The following MTREX variants were observed in gnomAD, a reference collection of about 807,000 sequenced individuals.
The protein encoded by MTREX is Mtr4 exosome RNA helicase, also known as exosome RNA helicase MTR4.
Under a neutral mutation model 135.4 loss-of-function variants are expected in MTREX, and 76 were observed. The observed-to-expected ratio is 0.56, with a 90% CI of 0.47 to 0.68. MTREX has a LOEUF of 0.68. MTREX is among the 30% of genes least tolerant of loss of function. The probability of loss-of-function intolerance (pLI) is 0.00; values close to 1 mark genes in which losing one functional copy is unlikely to be tolerated. For synonymous variants in MTREX, 404 were observed against 401.6 expected (o/e 1.01, Z -0.07); for missense variants, 920 against 1,262.1 (o/e 0.73, Z 4.11).
chr5:55,412,241 G>A (rs1750894621), intron 23 of MTREX, among the ~76,000 whole-genome samples: 1 of 152,124 alleles, frequency 6.6e-6, no homozygotes, highest in Admixed American at 6.5e-5. Flanking sequence ...TTGTCTTCTA[G>A]TAAATATAGT....
Position 55,308,010 on chromosome 5 carries a change from A to C in MTREX, c.-4A>C, listed in dbSNP as rs758090470. The C allele has an allele frequency of 6.2e-7, 1 of 1,613,950 alleles. No homozygotes were observed. The highest frequency in any genetic ancestry group is 1.1e-5 in the South Asian group (1 of 91,060). ...AGGGAGATTTGCTCTCACTGCTCCC[A>C]AAAATGGCGGACGCATTCGGAGATG... is the stretch of plus-strand genomic sequence containing the variant. On this transcript the variant is annotated 5_prime_UTR_variant, in exon 1 of 27. Transcript: ENST00000230640.
intron 1 of MTREX, among the ~76,000 whole-genome samples, chr5:55,315,267 T>C (rs1321735430): frequency 6.6e-6 from 1 of 152,212 alleles, no homozygotes; most frequent in South Asian, 2.1e-4. Flanking sequence ...CTTTATAGAC[T>C]AGGGATATTA....
chr5:55,324,989 GTTTC>G (rs1472340236), intron 3 of MTREX, among the ~76,000 whole-genome samples: 3 of 152,106 alleles, frequency 2.0e-5, no homozygotes, highest in Non-Finnish European at 1.5e-5. Context: ...ATAAATTGCA[GTTTC>G]TTTGTTCTGC....
Position 55,407,398 on chromosome 5 carries a change from G to A in MTREX, c.2645+1810G>A, listed in dbSNP as rs981943885. ...ACTGATTTATATGCTAATGTTATTG[G>A]GATTATTTCCTTCTAATAATTACCT... is the stretch of plus-strand genomic sequence containing the variant. On this transcript the variant is annotated intron_variant, in intron 22 of 26. Coordinates refer to ENST00000230640, the MANE Select transcript of MTREX (RefSeq NM_015360.5). Among the ~76,000 whole-genome samples, 64 of 151,828 alleles carry A rather than the reference G, an allele frequency of 4.2e-4. 1 individual carries two copies. Among genetic ancestry groups the A allele is most frequent in the Non-Finnish European group, 7.4e-5 (5 of 67,952 alleles).
At chr5:55,349,885 A>G (rs750096249) in intron 12 of MTREX, among the ~76,000 whole-genome samples, 65 of 152,218 alleles carry the variant, frequency 4.3e-4, no homozygotes, top group Non-Finnish European at 7.8e-4. Flanking sequence ...TGTGAAAATT[A>G]CTGCTAGTGT....
intron 23 of MTREX, among the ~76,000 whole-genome samples, chr5:55,413,258 A>T (rs1750911690): frequency 6.7e-6 from 1 of 149,590 alleles, no homozygotes; most frequent in Non-Finnish European, 1.5e-5. Context: ...AATCGCTTGA[A>T]CCCGGGAGGT....
At chr5:55,345,408 C>G (rs1464087435) in intron 10 of MTREX, among the ~76,000 whole-genome samples, 1 of 152,004 alleles carries the variant, frequency 6.6e-6, no homozygotes, top group Non-Finnish European at 1.5e-5. Flanking sequence ...ATTCAGTAGT[C>G]TTTAGTATAT....
chr5:55,320,789 G>A (rs1749275876), intron 1 of MTREX, among the ~76,000 whole-genome samples: 1 of 152,302 alleles, frequency 6.6e-6, no homozygotes, highest in East Asian at 1.9e-4. Flanking sequence ...AAATGGAATA[G>A]CAGTTCTGAG....
Position 55,378,697 on chromosome 5 carries a change from A to G in MTREX, c.1983+211A>G, listed in dbSNP as rs75817120. ...ATCACCACTGGTTTTTGTTTTGGGG[A>G]CTATAAATTGAAGTAGATAGTTTTG... On this transcript the variant is annotated intron_variant, in intron 17 of 26. Transcript: ENST00000230640. Among the ~76,000 whole-genome samples the G allele has an allele frequency of 8.8e-3, 1,337 of 152,148 alleles. 13 individuals are homozygous for G. The highest frequency in any genetic ancestry group is 0.031 in the African/African-American group (1,287 of 41,486).
Position 55,378,294 on chromosome 5 carries a change from T to G in MTREX, c.1811-20T>G. The G allele has an allele frequency of 6.4e-7, 1 of 1,560,772 alleles. No individual in the cohort carries two copies. ...TAAGATGTATAACCTTTTAATTTTG[T>G]ACATGTGTTCTATTTACAGAGGTAA... On this transcript the variant is annotated intron_variant, in intron 16 of 26. Transcript: ENST00000230640.
chr5:55,422,286 T>G (rs959914094), intron 25 of MTREX, among the ~76,000 whole-genome samples: 1 of 152,226 alleles, frequency 6.6e-6, no homozygotes, highest in African/African-American at 2.4e-5. Flanking sequence ...GGAAAAGGCT[T>G]CTTTCCTTGT....
At chr5:55,365,340 T>C (rs1162372968) in intron 15 of MTREX, among the ~76,000 whole-genome samples, 1 of 152,156 alleles carries the variant, frequency 6.6e-6, no homozygotes, top group Admixed American at 6.5e-5. Context: ...TGGGTAAAGA[T>C]CAAGGTTTTA....
Position 55,424,917 on chromosome 5 carries a change from T to C in MTREX, c.*145T>C. The C allele has an allele frequency of 1.5e-6, 1 of 654,996 alleles. No homozygotes were observed. Among genetic ancestry groups the C allele is most frequent in the East Asian group, 2.7e-5 (1 of 36,412 alleles). 40.6% of individuals were successfully genotyped at this position (654,996 alleles called of 1,614,324 possible). A position where few individuals can be genotyped will look rare whatever the true frequency, so the allele number is the denominator to read the frequency against. ...AATCAAACATCATTCATAGAAAGCA[T>C]ATTACATACATGTTTATACATAAGC... On this transcript the variant is annotated 3_prime_UTR_variant, in exon 27 of 27. Transcript: ENST00000230640.
intron 19 of MTREX, among the ~76,000 whole-genome samples, chr5:55,390,021 C>G (rs1750540413): frequency 6.6e-6 from 1 of 152,088 alleles, no homozygotes. Context: ...AGTAGGATTT[C>G]CATAATCATC....
chr5:55,374,337 G>T (rs1750259667), intron 16 of MTREX, among the ~76,000 whole-genome samples: 1 of 150,548 alleles, frequency 6.6e-6, no homozygotes, highest in Non-Finnish European at 1.5e-5. Flanking sequence ...GCCCAGACTG[G>T]AGTGCACTGG....
At chr5:55,399,010 T>G (rs1185082132) in intron 20 of MTREX, among the ~76,000 whole-genome samples, 1 of 152,164 alleles carries the variant, frequency 6.6e-6, no homozygotes, top group Non-Finnish European at 1.5e-5. Flanking sequence ...GCTACATTAA[T>G]TATACTTTTT....
At chr5:55,313,692 A>G (rs1286347349) in intron 1 of MTREX, among the ~76,000 whole-genome samples, 3 of 152,220 alleles carry the variant, frequency 2.0e-5, no homozygotes, top group African/African-American at 7.2e-5. Context: ...GTTTTTAAGA[A>G]TTGCTAAAAA....
chr5:55,371,509 G>A (rs1750200111), intron 16 of MTREX, among the ~76,000 whole-genome samples: 1 of 152,106 alleles, frequency 6.6e-6, no homozygotes, highest in South Asian at 2.1e-4. Context: ...GCTATCTTCT[G>A]AAATTCTGAG....
At chr5:55,379,646 T>G (rs1750362507) in intron 18 of MTREX, among the ~76,000 whole-genome samples, 1 of 152,100 alleles carries the variant, frequency 6.6e-6, no homozygotes, top group South Asian at 2.1e-4. Context: ...CATGTAGCTG[T>G]GATCTTCCTT....
Sources: gnomAD v4.1 joint callset for allele counts (sites outside exome capture counted in the v4.1 genomes callset) on GRCh38, gnomAD v4.1.1 for gene constraint, MANE v1.5 for transcripts, NCBI Gene and HGNC (gene_info 2026-07-23, HGNC 2026-07-21) for gene names.